Variants in GOLPH3L observed in about 807,000 individuals in gnomAD.
GOLPH3L encodes Golgi phosphoprotein 3-like.
In GOLPH3L, 22 loss-of-function variants were observed where a neutral mutation model predicts 30.3. The ratio of observed to expected loss-of-function variants is 0.73; its 90% confidence interval spans 0.52 to 1.04. The LOEUF (loss-of-function observed/expected upper bound fraction) is 1.04, where lower values mean the gene tolerates loss of function less well. Among genes scored for constraint, GOLPH3L ranks in the 50% least tolerant of loss-of-function variants. The pLI, the probability that GOLPH3L is intolerant of heterozygous loss-of-function variation, is 0.00. For missense variants in GOLPH3L, 303 were observed against 345.8 expected (o/e 0.88, Z 0.98); for synonymous variants, 120 against 128.2 (o/e 0.94, Z 0.43).
intron 2 of GOLPH3L, among the ~76,000 whole-genome samples, chr1:150,673,728 G>C (rs943862523): frequency 2.6e-5 from 4 of 151,310 alleles, no homozygotes; most frequent in African/African-American, 9.7e-5. Context: ...CGGGAGTTCA[G>C]GACCAGCCTG....
At chr1:150,662,317 G>A (rs1033299324) in intron 3 of GOLPH3L, among the ~76,000 whole-genome samples, 47 of 151,924 alleles carry the variant, frequency 3.1e-4, no homozygotes, top group African/African-American at 1.1e-3. Context: ...TTTGAGACCA[G>A]CCTGGGCAAA....
Position 150,694,813 on chromosome 1 carries a change from C to T in GOLPH3L, c.26G>A (p.Arg9His), listed in dbSNP as rs138591221. 72 of 1,611,882 alleles carry T rather than the reference C, an allele frequency of 4.5e-5. 1 individual carries two copies. The highest frequency in any genetic ancestry group is 9.9e-5 in the South Asian group (9 of 90,796). Residue 9 changes from arginine to histidine, a missense_variant, in exon 2 of 5, where the codon CGT (arginine) becomes CAT (histidine). By Grantham distance (29) the Arg-to-His change is conservative (BLOSUM62 0). Transcript: ENST00000271732. MTTLTHRA[R>H]RTEISKNSEK... ...AGAGTTCTTGCTTATTTCAGTGCGA[C>T]GGGCCCGGTGAGTTAAAGTGGTCAT...
At chr1:150,687,556 C>T (rs971298856) in intron 2 of GOLPH3L, among the ~76,000 whole-genome samples, 1 of 150,644 alleles carries the variant, frequency 6.6e-6, no homozygotes, top group African/African-American at 2.4e-5. Flanking sequence ...GCTTAGGTAA[C>T]AAGAGCGAAA....
chr1:150,682,295 C>T (rs952227830), intron 2 of GOLPH3L, among the ~76,000 whole-genome samples: 17 of 151,818 alleles, frequency 1.1e-4, no homozygotes, highest in Non-Finnish European at 2.2e-4. Flanking sequence ...ATCTCACACC[C>T]CAAGCAAGAT....
chr1:150,677,989 GA>G (rs1276710214), intron 2 of GOLPH3L, among the ~76,000 whole-genome samples: 1 of 150,318 alleles, frequency 6.7e-6, no homozygotes, highest in Non-Finnish European at 1.5e-5. Context: ...AAGTAAAAAG[GA>G]AAAAAAAATT....
intron 2 of GOLPH3L, among the ~76,000 whole-genome samples, chr1:150,671,517 G>A (rs1476107644): frequency 6.6e-6 from 1 of 151,342 alleles, no homozygotes; most frequent in South Asian, 2.1e-4. Flanking sequence ...AAAAAAAGAG[G>A]AAAGAAGGGC....
At chr1:150,682,623 CAAAAAAAAAAAAAA>C (rs145118551) in intron 2 of GOLPH3L, among the ~76,000 whole-genome samples, 1 of 50,316 alleles carries the variant, frequency 2.0e-5, no homozygotes, top group East Asian at 6.8e-4. Context: ...GACTCTTTCT[CAAAAAAAAAAAAAA>C]AAAAAAAAAA....
chr1:150,686,426 A>G (rs1018689698), intron 2 of GOLPH3L, among the ~76,000 whole-genome samples: 23 of 151,746 alleles, frequency 1.5e-4, no homozygotes, highest in African/African-American at 5.1e-4. Flanking sequence ...GCTTGTCTTG[A>G]ACTCCTGGCC....
chr1:150,663,722 C>G lies in GOLPH3L; in HGVS notation c.225G>C (p.Leu75=). The part of the protein sequence containing the change: ...SFWNDCISSG[L]RGGILIELAM... ...CCAGCTCTATCAGGATGCCCCCTCG[C>G]AGGCCTGATGATATGCAGTCATTCC... is the stretch of plus-strand genomic sequence containing the variant. Residue 75 remains leucine (L), a synonymous_variant, in exon 3 of 5, where the codon CTG becomes CTC. Transcript: ENST00000271732. The G allele has an allele frequency of 6.2e-7, 1 of 1,613,010 alleles. No homozygotes were observed. The highest frequency in any genetic ancestry group is 1.7e-5 in the Admixed American group (1 of 60,006).
At chr1:150,664,737 C>T (rs1314352201) in intron 2 of GOLPH3L, among the ~76,000 whole-genome samples, 2 of 152,146 alleles carry the variant, frequency 1.3e-5, no homozygotes, top group Admixed American at 6.5e-5. Flanking sequence ...CAGGAGTGAG[C>T]CACCGTGCCC....
At position 150,649,810 on chromosome 1, in the gene GOLPH3L, AG is replaced by A. The variant is rs1557778727; in HGVS notation, c.431-1063del. Among the ~76,000 whole-genome samples the A allele has an allele frequency of 2.0e-5, 3 of 152,130 alleles. No individual in the cohort carries two copies. In the South Asian group the frequency reaches 6.2e-4, roughly 32 times the overall value. ...TGAACAATAAGCTACCCTAACTCAG[AG>A]GCAACTCCTAGAAAGCTAAGCTTAA... On this transcript the variant is annotated intron_variant, in intron 4 of 4. Coordinates refer to ENST00000271732, the MANE Select transcript of GOLPH3L (RefSeq NM_018178.6).
At chr1:150,674,120 C>T (rs948018174) in intron 2 of GOLPH3L, among the ~76,000 whole-genome samples, 3 of 151,968 alleles carry the variant, frequency 2.0e-5, no homozygotes, top group African/African-American at 4.8e-5. Context: ...ATTATAGTAT[C>T]ATTACAATAA....
chr1:150,693,297 A>G (rs1343219657), intron 2 of GOLPH3L, among the ~76,000 whole-genome samples: 1 of 152,238 alleles, frequency 6.6e-6, no homozygotes, highest in East Asian at 1.9e-4. Context: ...GGTATTTCCA[A>G]GTCGAAGAAT....
At chr1:150,687,611 AT>A (rs920036891) in intron 2 of GOLPH3L, among the ~76,000 whole-genome samples, 1 of 151,840 alleles carries the variant, frequency 6.6e-6, no homozygotes, top group Non-Finnish European at 1.5e-5. Context: ...TGATTAGTGA[AT>A]TTTTTTTACC....
At chr1:150,691,293 C>A (rs1447233713) in intron 2 of GOLPH3L, among the ~76,000 whole-genome samples, 1 of 151,994 alleles carries the variant, frequency 6.6e-6, no homozygotes, top group Non-Finnish European at 1.5e-5. Flanking sequence ...TTGGGTGGGT[C>A]GCCTGAGAGG....
chr1:150,661,043 T>G (rs1650356158), intron 4 of GOLPH3L, among the ~76,000 whole-genome samples: 2 of 152,016 alleles, frequency 1.3e-5, no homozygotes, highest in Admixed American at 6.6e-5. Flanking sequence ...GCCTGGCCAA[T>G]ATGGTGAAAC....
chr1:150,694,514 G>T (rs2867300), intron 2 of GOLPH3L, 142 bp downstream of exon 2: 6 of 545,004 alleles, frequency 1.1e-5, no homozygotes, highest in Non-Finnish European at 1.9e-5. Flanking sequence ...ATCGGTCACT[G>T]TCCCAACTCC....
intron 2 of GOLPH3L, among the ~76,000 whole-genome samples, chr1:150,688,987 A>G (rs587742070): frequency 6.6e-6 from 1 of 152,278 alleles, no homozygotes; most frequent in Non-Finnish European, 1.5e-5. Context: ...TAAACCATAA[A>G]TTGACCTCAA....
intron 4 of GOLPH3L, among the ~76,000 whole-genome samples, chr1:150,653,770 T>G (rs1188234315): frequency 1.3e-5 from 2 of 148,908 alleles, no homozygotes; most frequent in Non-Finnish European, 3.0e-5. Context: ...TATCTTTTGT[T>G]TTTTTTTTTG....
Sources: allele counts gnomAD v4.1 joint callset (sites outside exome capture counted in the v4.1 genomes callset), GRCh38; gene constraint gnomAD v4.1.1; transcripts MANE v1.5; gene names NCBI Gene and HGNC (gene_info 2026-07-23, HGNC 2026-07-21).